PCDHA11: variants seen among roughly 807,000 people sequenced by gnomAD.
The protein encoded by PCDHA11 is protocadherin alpha-11.
Under a neutral mutation model 70.3 loss-of-function variants are expected in PCDHA11, and 61 were observed. The ratio of observed to expected loss-of-function variants is 0.87; its 90% confidence interval spans 0.71 to 1.07. The LOEUF is 1.07. Ranked by LOEUF, PCDHA11 falls within the 50% of genes least tolerant of loss-of-function variation. PCDHA11 has a pLI of 0.00. For synonymous variants in PCDHA11, 633 were observed against 555.1 expected (o/e 1.14, Z -1.97); for missense variants, 1,324 against 1,237.5 (o/e 1.07, Z -1.05).
rs28619398 is a variant in PCDHA11 at position 140,895,037 on chromosome 5, C to T, written c.2391+23543C>T. 4.7e-3 allele frequency among the ~76,000 whole-genome samples: 720 copies of T among 152,250 alleles called. 7 individuals are homozygous for T. The highest frequency in any genetic ancestry group is 0.016 in the African/African-American group (670 of 41,558). ...TTTTCCTTTGTTTAATTGTCCCCCA[C>T]CCACACCATTCTGCTTCATATGGAC... is the stretch of plus-strand genomic sequence containing the variant. On this transcript the variant is annotated intron_variant, in intron 1 of 3. Transcript: ENST00000398640.
rs1368766918 is a variant in PCDHA11 at position 141,010,867 on chromosome 5, A to G, written c.*930A>G. 4.6e-5 allele frequency: 7 copies of G among 153,798 alleles called. No homozygotes were observed. The highest frequency in any genetic ancestry group is 3.3e-4 in the Admixed American group (5 of 15,292). 9.5% of individuals were successfully genotyped at this position (153,798 alleles called of 1,614,324 possible). A position where few individuals can be genotyped will look rare whatever the true frequency, so the allele number is the denominator to read the frequency against. On this transcript the variant is annotated 3_prime_UTR_variant, in exon 4 of 4. Coordinates refer to ENST00000398640, the MANE Select transcript of PCDHA11 (RefSeq NM_018902.5). Reference sequence around the variant, plus strand: ...TTAAAAAAAGAGAAAGTCTATAGCTATAAATCTTTAAAGAGAAATATGAAT... The same window carrying G: ...TTAAAAAAAGAGAAAGTCTATAGCTGTAAATCTTTAAAGAGAAATATGAAT...
chr5:140,879,097 G>T (rs2057851255), intron 1 of PCDHA11, among the ~76,000 whole-genome samples: 1 of 152,214 alleles, frequency 6.6e-6, no homozygotes, highest in Non-Finnish European at 1.5e-5. Flanking sequence ...CAACTGCACA[G>T]TATATGGTGT....
intron 1 of PCDHA11, among the ~76,000 whole-genome samples, chr5:140,886,130 C>T (rs2060865178): frequency 6.6e-6 from 1 of 152,144 alleles, no homozygotes; most frequent in African/African-American, 2.4e-5. Flanking sequence ...TCCGTAACAA[C>T]CAGATTCTTG....
chr5:140,957,076 A>C (rs1554222802), intron 1 of PCDHA11, among the ~76,000 whole-genome samples: 1 of 152,174 alleles, frequency 6.6e-6, no homozygotes, highest in Non-Finnish European at 1.5e-5. Context: ...AGGGCTTTTT[A>C]TTAAGGAAAA....
chr5:140,968,521 C>G, intron 1 of PCDHA11: 1 of 1,614,180 alleles, frequency 6.2e-7, no homozygotes, highest in Non-Finnish European at 8.5e-7. Context: ...CTACCTCAAC[C>G]AACTCGTCAG....
At chr5:140,898,956 T>C (rs1352076218) in intron 1 of PCDHA11, among the ~76,000 whole-genome samples, 4 of 152,130 alleles carry the variant, frequency 2.6e-5, no homozygotes, top group Admixed American at 2.6e-4. Context: ...GAAGCAGTTG[T>C]GAATGGGAGT....
chr5:140,969,061 T>C (rs782313439), intron 1 of PCDHA11: 25 of 1,614,070 alleles, frequency 1.5e-5, no homozygotes, highest in Non-Finnish European at 4.2e-6. Flanking sequence ...ACAATATTGA[T>C]GCCAGGATAC....
intron 3 of PCDHA11, among the ~76,000 whole-genome samples, chr5:141,004,743 T>G (rs1554259718): frequency 6.6e-6 from 1 of 152,182 alleles, no homozygotes; most frequent in Admixed American, 6.5e-5. Flanking sequence ...CTCTTTTGTC[T>G]CAGTCTCTTA....
chr5:140,900,276 A>G (rs1228583402), intron 1 of PCDHA11, among the ~76,000 whole-genome samples: 1 of 151,558 alleles, frequency 6.6e-6, no homozygotes, highest in Non-Finnish European at 1.5e-5. Context: ...TATATGTACC[A>G]CACTTTCTTT....
intron 1 of PCDHA11, among the ~76,000 whole-genome samples, chr5:140,918,378 T>C (rs2078665832): frequency 6.6e-6 from 1 of 152,192 alleles, no homozygotes; most frequent in South Asian, 2.1e-4. Flanking sequence ...GGATGCCTTT[T>C]ATTTCTTTCT....
intron 1 of PCDHA11, among the ~76,000 whole-genome samples, chr5:140,899,689 C>A (rs1033793263): frequency 4.6e-5 from 7 of 152,254 alleles, no homozygotes; most frequent in Admixed American, 4.6e-4. Flanking sequence ...ATGATGCTGG[C>A]CTCATAAAAT....
At chr5:140,922,068 A>C (rs1554200634) in intron 1 of PCDHA11, among the ~76,000 whole-genome samples, 1 of 152,196 alleles carries the variant, frequency 6.6e-6, no homozygotes, top group African/African-American at 2.4e-5. Context: ...TAGCAATCCC[A>C]CTAAGCAAAA....
intron 1 of PCDHA11, chr5:140,967,116 G>A: frequency 1.2e-6 from 2 of 1,612,922 alleles, no homozygotes; most frequent in Non-Finnish European, 1.7e-6. Context: ...CGGCCTCGCT[G>A]CCTGCTCAGC....
At chr5:140,925,513 A>G (rs2082534793) in intron 1 of PCDHA11, among the ~76,000 whole-genome samples, 1 of 152,104 alleles carries the variant, frequency 6.6e-6, no homozygotes, top group South Asian at 2.1e-4. Flanking sequence ...CACGCAAAAG[A>G]CCAAATTAAA....
At chr5:140,940,499 G>T (rs190058542) in intron 1 of PCDHA11, among the ~76,000 whole-genome samples, 3 of 151,756 alleles carry the variant, frequency 2.0e-5, no homozygotes, top group Non-Finnish European at 4.4e-5. Flanking sequence ...GTCTTGCTCC[G>T]TCGCTCAGGC....
At chr5:140,877,048 G>T (rs376952553) in intron 1 of PCDHA11, 1 of 1,612,676 alleles carries the variant, frequency 6.2e-7, no homozygotes, top group Non-Finnish European at 8.5e-7. Flanking sequence ...GCTAGACCAC[G>T]AGGAGCTGGA....
At chr5:140,915,626 GTCTCTCTCTCTCTC>G in intron 1 of PCDHA11, among the ~76,000 whole-genome samples, 1 of 146,536 alleles carries the variant, frequency 6.8e-6, no homozygotes, top group Non-Finnish European at 1.5e-5. Flanking sequence ...GTCTCTTTCT[GTCTCTCTCTCTCTC>G]TCTCTCTCTC....
chr5:140,896,037 C>T (rs1373567434), intron 1 of PCDHA11, among the ~76,000 whole-genome samples: 1 of 152,156 alleles, frequency 6.6e-6, no homozygotes, highest in Non-Finnish European at 1.5e-5. Context: ...TCTCGAACTC[C>T]TGACCTCAGG....
At chr5:140,987,275 CTA>C (rs1554249023) in intron 3 of PCDHA11, among the ~76,000 whole-genome samples, 1 of 151,726 alleles carries the variant, frequency 6.6e-6, no homozygotes, top group Non-Finnish European at 1.5e-5. Context: ...ACCCGGCAGT[CTA>C]TGTTTTAACA....
Sources: gnomAD v4.1 joint callset for allele counts (sites outside exome capture counted in the v4.1 genomes callset) on GRCh38, gnomAD v4.1.1 for gene constraint, MANE v1.5 for transcripts, NCBI Gene and HGNC (gene_info 2026-07-23, HGNC 2026-07-21) for gene names.